Variants in PRKCH observed in about 807,000 individuals in gnomAD.
PRKCH encodes the protein protein kinase C eta, also known as protein kinase C eta type.
In PRKCH, 28 loss-of-function variants were observed where a neutral mutation model predicts 82.5. That is an observed-to-expected ratio of 0.34 (90% CI 0.25 to 0.47). The LOEUF (loss-of-function observed/expected upper bound fraction) is 0.47. PRKCH is among the 20% of genes least tolerant of loss of function. The pLI is 1.00. For synonymous variants in PRKCH, 322 were observed against 327.4 expected (o/e 0.98, Z 0.18); for missense variants, 705 against 881.8 (o/e 0.80, Z 2.54).
chr14:61,206,617 A>G (rs536801329), intron 1 of PRKCH, among the ~76,000 whole-genome samples: 2 of 152,240 alleles, frequency 1.3e-5, no homozygotes, highest in African/African-American at 2.4e-5. Context: ...ATGTCTTTCC[A>G]TCCAACAATC....
chr14:61,278,728 T>C (rs1043080826), intron 1 of PRKCH: 2 of 152,184 alleles, frequency 1.3e-5, no homozygotes, highest in African/African-American at 2.4e-5. Flanking sequence ...AAACTATTGC[T>C]TCTTAGAATA....
intron 2 of PRKCH, among the ~76,000 whole-genome samples, chr14:61,421,652 T>C (rs79413510): frequency 0.012 from 1,897 of 152,332 alleles, 43 homozygotes; most frequent in African/African-American, 0.043. Flanking sequence ...TACCTGAATG[T>C]GGCAAGCTCT....
intron 1 of PRKCH, among the ~76,000 whole-genome samples, chr14:61,313,015 T>G (rs1052695698): frequency 3.9e-5 from 6 of 152,010 alleles, no homozygotes; most frequent in African/African-American, 9.7e-5. Flanking sequence ...GCTAAAAGAG[T>G]GTGTAGAGGT....
intron 9 of PRKCH, among the ~76,000 whole-genome samples, chr14:61,467,594 G>A (rs1167597974): frequency 1.3e-5 from 2 of 152,240 alleles, no homozygotes; most frequent in Non-Finnish European, 2.9e-5. Flanking sequence ...GGTTAGACAA[G>A]GAGAAGGGGA....
At chr14:61,422,921 GTAT>G (rs933105506) in intron 2 of PRKCH, among the ~76,000 whole-genome samples, 43 of 152,196 alleles carry the variant, frequency 2.8e-4, no homozygotes, top group African/African-American at 9.9e-4. Context: ...GCTTATATCT[GTAT>G]TTCTTTTATT....
At position 61,453,225 on chromosome 14, in the gene PRKCH, G is replaced by C. The variant is rs1884593953; in HGVS notation, c.833-1G>C. 1 of 1,613,994 alleles carries C rather than the reference G, an allele frequency of 6.2e-7. No individual in the cohort carries two copies. The highest frequency in any genetic ancestry group is 1.7e-5 in the Admixed American group (1 of 60,000). On this transcript the variant is annotated splice_acceptor_variant, in intron 6 of 13. Transcript: ENST00000332981. LOFTEE classifies it high-confidence loss of function. ...GGATTCTGTTTTCCTTTTCCCTCTA[G>C]TATGTAAAATGAATGTGCATATTCG...
At chr14:61,343,290 T>C (rs565206062) in intron 1 of PRKCH, among the ~76,000 whole-genome samples, 1 of 132,266 alleles carries the variant, frequency 7.6e-6, no homozygotes, top group South Asian at 2.3e-4. Flanking sequence ...GAAATAGTTA[T>C]AACCCAAGGA....
intron 10 of PRKCH, among the ~76,000 whole-genome samples, chr14:61,488,144 T>G (rs1886308682): frequency 8.9e-6 from 1 of 111,788 alleles, no homozygotes; most frequent in African/African-American, 3.5e-5. Flanking sequence ...ACAGCGAGAC[T>G]CCGTCTCAAA....
chr14:61,443,394 G>A, intron 3 of PRKCH, 133 bp downstream of exon 3: 1 of 907,378 alleles, frequency 1.1e-6, no homozygotes, highest in Non-Finnish European at 1.5e-6. Context: ...TCTTACTCTA[G>A]TATGTTGACC....
At chr14:61,237,242 C>CA (rs567714882) in intron 1 of PRKCH, among the ~76,000 whole-genome samples, 9,019 of 93,564 alleles carry the variant, frequency 0.096, 398 homozygotes, top group East Asian at 0.22. Flanking sequence ...GACTCTGTTT[C>CA]AAAAAAAAAA....
upstream of PRKCH, among the ~76,000 whole-genome samples, chr14:61,317,409 A>G (rs1028436460): frequency 2.0e-5 from 3 of 152,192 alleles, no homozygotes; most frequent in Non-Finnish European, 4.4e-5. Flanking sequence ...GGACCTGTCC[A>G]TGCCAACTCC....
intron 1 of PRKCH, among the ~76,000 whole-genome samples, chr14:61,327,910 G>C (rs2045719520): frequency 1.3e-5 from 2 of 152,248 alleles, no homozygotes; most frequent in African/African-American, 4.8e-5. Context: ...TGGATGAACA[G>C]TATTCCTCTG....
intron 1 of PRKCH, among the ~76,000 whole-genome samples, chr14:61,223,377 C>T (rs911599686): frequency 1.3e-5 from 2 of 152,182 alleles, no homozygotes; most frequent in African/African-American, 4.8e-5. Flanking sequence ...AATGAAGTGA[C>T]AGTGTTTCCC....
chr14:61,263,863 G>GTGTGTGTGTGTGTGTGTGTGTA (rs2045072288), intron 1 of PRKCH, among the ~76,000 whole-genome samples: 1 of 33,752 alleles, frequency 3.0e-5, no homozygotes, highest in South Asian at 1.2e-3. Context: ...GTGTGTGTGT[G>GTGTGTGTGTGTGTGTGTGTGTA]TGTGTGTGTG....
rs996373109 is a variant in PRKCH at position 61,428,188 on chromosome 14, A to G, written c.428-14923A>G. 9.9e-5 allele frequency among the ~76,000 whole-genome samples: 15 copies of G among 151,536 alleles called. 1 individual carries two copies. The highest frequency in any genetic ancestry group is 3.7e-4 in the African/African-American group (15 of 41,020). On this transcript the variant is annotated intron_variant, in intron 2 of 13. Coordinates refer to ENST00000332981, the MANE Select transcript of PRKCH (RefSeq NM_006255.5). Reference sequence around the variant, plus strand: ...GTTGAGTTGGTATTTTTGTAGAGACAGGGTTTCACCATGTTACCCAGACTG... The same window carrying G: ...GTTGAGTTGGTATTTTTGTAGAGACGGGGTTTCACCATGTTACCCAGACTG...
rs550541212 is a variant in PRKCH at position 61,359,230 on chromosome 14, T to G, written c.364-31995T>G. Among the ~76,000 whole-genome samples the G allele has an allele frequency of 7.2e-5, 11 of 152,310 alleles. No individual in the cohort carries two copies. In the South Asian group the frequency reaches 1.2e-3, roughly 17 times the overall value. ...CCTGTTTCTGTGGACCACAATGCTC[T>G]GGGGCAGTGCTGCGTATCAGAGGTT... On this transcript the variant is annotated intron_variant, in intron 1 of 13. Coordinates refer to ENST00000332981, the MANE Select transcript of PRKCH (RefSeq NM_006255.5).
chr14:61,340,304 T>C (rs2045915778), intron 1 of PRKCH, among the ~76,000 whole-genome samples: 2 of 150,206 alleles, frequency 1.3e-5, no homozygotes, highest in South Asian at 4.2e-4. Flanking sequence ...TACTGATGTG[T>C]TTTTAAGTTT....
chr14:61,188,593 G>T (rs1392888655), intron 1 of PRKCH, among the ~76,000 whole-genome samples: 7,712 of 71,252 alleles, frequency 0.11, 1,638 homozygotes, highest in Admixed American at 0.21. Flanking sequence ...GTGTGTCGGG[G>T]GGGTGGGGGG....
At chr14:61,387,417 C>T (rs1454898625) in intron 1 of PRKCH, among the ~76,000 whole-genome samples, 1 of 152,140 alleles carries the variant, frequency 6.6e-6, no homozygotes, top group Admixed American at 6.5e-5. Context: ...AGTGTTATTC[C>T]CAGAAGCTGG....
Sources: gnomAD v4.1 joint callset for allele counts (sites outside exome capture counted in the v4.1 genomes callset) on GRCh38, gnomAD v4.1.1 for gene constraint, MANE v1.5 for transcripts, NCBI Gene and HGNC (gene_info 2026-07-23, HGNC 2026-07-21) for gene names.